Variants in LAMC2 observed in about 807,000 individuals in gnomAD.
The protein encoded by LAMC2 is laminin subunit gamma-2.
Under a neutral mutation model 140.2 loss-of-function variants are expected in LAMC2, and 97 were observed. The ratio of observed to expected loss-of-function variants is 0.69; its 90% confidence interval spans 0.59 to 0.82. The LOEUF (loss-of-function observed/expected upper bound fraction) is 0.82, where lower values mean the gene tolerates loss of function less well. LAMC2 is among the 40% of genes least tolerant of loss of function. The pLI is 0.00. For synonymous variants in LAMC2, 513 were observed against 540.2 expected (o/e 0.95, Z 0.70); for missense variants, 1,402 against 1,476.1 (o/e 0.95, Z 0.82).
At chr1:183,187,530 A>T (rs1350744604) in intron 1 of LAMC2, among the ~76,000 whole-genome samples, 6 of 151,696 alleles carry the variant, frequency 4.0e-5, no homozygotes, top group Non-Finnish European at 8.8e-5. Flanking sequence ...GGAGATAAGT[A>T]TGTGAAATAA....
intron 2 of LAMC2, among the ~76,000 whole-genome samples, chr1:183,210,262 G>A (rs1438179886): frequency 3.9e-5 from 6 of 152,154 alleles, no homozygotes; most frequent in African/African-American, 1.4e-4. Flanking sequence ...CAGCCAGGGT[G>A]CAAATCTGGA....
intron 1 of LAMC2, among the ~76,000 whole-genome samples, chr1:183,188,735 G>C (rs1402216204): frequency 6.6e-6 from 1 of 152,178 alleles, no homozygotes; most frequent in Non-Finnish European, 1.5e-5. Flanking sequence ...AAAGACCAAG[G>C]CTCCCCTTCA....
At chr1:183,189,008 G>A (rs549844) in intron 1 of LAMC2, among the ~76,000 whole-genome samples, 86,725 of 152,030 alleles carry the variant, frequency 0.57, 25,488 homozygotes, top group East Asian at 0.73. Context: ...TCACTCACTC[G>A]AGGGCTTAGA....
At chr1:183,220,155 C>T (rs1659423107) in intron 4 of LAMC2, among the ~76,000 whole-genome samples, 1 of 152,210 alleles carries the variant, frequency 6.6e-6, no homozygotes, top group Admixed American at 6.5e-5. Flanking sequence ...TTCTCTGTGA[C>T]TCCAGCATCG....
chr1:183,213,452 G>A (rs750006760), intron 2 of LAMC2, among the ~76,000 whole-genome samples: 1 of 152,172 alleles, frequency 6.6e-6, no homozygotes, highest in Non-Finnish European at 1.5e-5. Context: ...CAAACATGTA[G>A]CGACTGGTCA....
At chr1:183,236,428 T>A in intron 16 of LAMC2, 32 bp from the exon 17 acceptor site, 1 of 1,603,992 alleles carries the variant, frequency 6.2e-7, no homozygotes. Context: ...GTCCTCTTTT[T>A]ATTACCGCCC....
rs79642021 is a variant in LAMC2 at position 183,199,890 on chromosome 1, T to C, written c.80-7991T>C. Among the ~76,000 whole-genome samples, 127 of 152,314 alleles carry C rather than the reference T, an allele frequency of 8.3e-4. No individual in the cohort carries two copies. In the East Asian group the frequency reaches 0.019, roughly 23 times the overall value. ...TGGGAAAGGGTTAGTGCAGCCTAGA[T>C]CTGTGCATTGGAGCCCAGTGAACTC... On this transcript the variant is annotated intron_variant, in intron 1 of 22. Coordinates refer to ENST00000264144, the MANE Select transcript of LAMC2 (RefSeq NM_005562.3).
Position 183,231,072 on chromosome 1 carries a change from G to T in LAMC2, c.1826G>T (p.Cys609Phe). The stretch of plus-strand genomic sequence containing the variant: ...AACTGTGAGCATGGAGCATTCAGCT[G>T]TCCAGCTTGCTATAATCAAGTGAAG... ...GPNCEHGAFS[C>F]PACYNQVKIQ... Residue 609 changes from cysteine to phenylalanine, a missense_variant, in exon 12 of 23, where the codon TGT (cysteine) becomes TTT (phenylalanine). Cys to Phe is a radical substitution (Grantham distance 205). Coordinates refer to ENST00000264144, the MANE Select transcript of LAMC2 (RefSeq NM_005562.3). 1.9e-6 allele frequency: 3 copies of T among 1,614,102 alleles called. No homozygotes were observed. The highest frequency in any genetic ancestry group is 2.5e-6 in the Non-Finnish European group (3 of 1,180,022).
chr1:183,246,343 G>A (rs552738803), downstream of LAMC2, among the ~76,000 whole-genome samples: 3 of 152,262 alleles, frequency 2.0e-5, no homozygotes, highest in South Asian at 6.2e-4. Context: ...AGGGGATGTG[G>A]CTTCCCCAGG....
chr1:183,255,698 C>G, the LAMC2 span, among the ~76,000 whole-genome samples: 4 of 133,280 alleles, frequency 3.0e-5, 1 homozygote, highest in South Asian at 1.0e-3. Flanking sequence ...GAGTCTCACT[C>G]TGTCACCCAG....
chr1:183,204,876 G>C (rs1384235519), intron 1 of LAMC2, among the ~76,000 whole-genome samples: 1 of 151,692 alleles, frequency 6.6e-6, no homozygotes, highest in Non-Finnish European at 1.5e-5. Context: ...ACAGTAGAGT[G>C]CAATGGCACA....
intron 22 of LAMC2, among the ~76,000 whole-genome samples, chr1:183,242,288 TG>T (rs1193796509): frequency 6.6e-6 from 1 of 152,234 alleles, no homozygotes; most frequent in Non-Finnish European, 1.5e-5. Flanking sequence ...TCAACATTTT[TG>T]TTACAGTGTT....
At chr1:183,188,860 A>G (rs1444953481) in intron 1 of LAMC2, among the ~76,000 whole-genome samples, 2 of 152,214 alleles carry the variant, frequency 1.3e-5, no homozygotes, top group Non-Finnish European at 2.9e-5. Context: ...GAAAGATACT[A>G]GAAACGTAGC....
intron 1 of LAMC2, among the ~76,000 whole-genome samples, chr1:183,197,252 T>C (rs568128785): frequency 3.4e-4 from 52 of 152,262 alleles, no homozygotes; most frequent in Admixed American, 2.6e-3. Context: ...AATTCAGTGT[T>C]AAATAGGCAG....
At chr1:183,226,139 CTTTT>C (rs76667253) in intron 8 of LAMC2, among the ~76,000 whole-genome samples, 2 of 136,206 alleles carry the variant, frequency 1.5e-5, no homozygotes, top group African/African-American at 2.8e-5. Flanking sequence ...CTATTAATTC[CTTTT>C]TTTTTTTTTT....
chr1:183,256,509 A>G, the LAMC2 span, among the ~76,000 whole-genome samples: 1 of 152,236 alleles, frequency 6.6e-6, no homozygotes, highest in East Asian at 1.9e-4. Context: ...TTATCAAGAA[A>G]GGATGTTGAA....
In LAMC2 at chr1:183,225,732, C is replaced by T. The variant is rs12092752; in HGVS notation, c.1066+12C>T. On this transcript the variant is annotated intron_variant, in intron 8 of 22. Coordinates refer to ENST00000264144, the MANE Select transcript of LAMC2 (RefSeq NM_005562.3). The stretch of plus-strand genomic sequence containing the variant: ...ATATGGAGAATACAGTAAGTGGCTA[C>T]GAGAAATTAATTTCTTTCTTCTTAG... 40 of 1,538,870 alleles carry T rather than the reference C, an allele frequency of 2.6e-5. No individual in the cohort carries two copies. The highest frequency in any genetic ancestry group is 2.3e-4 in the African/African-American group (17 of 73,542).
At chr1:183,225,469 G>A in intron 7 of LAMC2, 139 bp from the exon 8 acceptor site, 1 of 693,112 alleles carries the variant, frequency 1.4e-6, no homozygotes, top group Non-Finnish European at 2.6e-6. Flanking sequence ...CTATGAAAAG[G>A]TGGCTCTCAG....
chr1:183,225,555 T>A lies in LAMC2; in HGVS notation c.954-53T>A, dbSNP rs184272514. On this transcript the variant is annotated intron_variant, in intron 7 of 22. Coordinates refer to ENST00000264144, the MANE Select transcript of LAMC2 (RefSeq NM_005562.3). ...ATCCTCAGGCATAATTTATAACAGG[T>A]AGGTATGTGGTAAGAATCGGATTTT... The A allele has an allele frequency of 4.2e-6, 5 of 1,178,288 alleles. No individual in the cohort carries two copies. The East Asian group carries it at 1.2e-4, about 28-fold the overall frequency. 73.0% of individuals were successfully genotyped at this position (1,178,288 alleles called of 1,614,324 possible). A position where few individuals can be genotyped will look rare whatever the true frequency, so the allele number is the denominator to read the frequency against.
Sources: gnomAD v4.1 joint callset for allele counts (sites outside exome capture counted in the v4.1 genomes callset) on GRCh38, gnomAD v4.1.1 for gene constraint, MANE v1.5 for transcripts, NCBI Gene and HGNC (gene_info 2026-07-23, HGNC 2026-07-21) for gene names.